GABRA3: variants seen among roughly 807,000 people sequenced by gnomAD.
GABRA3 encodes gamma-aminobutyric acid type A receptor subunit alpha3, also known as gamma-aminobutyric acid receptor subunit alpha-3.
Under a neutral mutation model 30.1 loss-of-function variants are expected in GABRA3, and 10 were observed. That is an observed-to-expected ratio of 0.33 (90% CI 0.20 to 0.56). The LOEUF (loss-of-function observed/expected upper bound fraction) is 0.56. Among genes scored for constraint, GABRA3 ranks in the 20% least tolerant of loss-of-function variants. The pLI is 0.89. For missense variants in GABRA3, 233 were observed against 392.0 expected (o/e 0.59, Z 3.42); for synonymous variants, 151 against 146.8 (o/e 1.03, Z -0.21).
intron 1 of GABRA3, among the ~76,000 whole-genome samples, chrX:152,443,870 A>G (rs772951575): frequency 1.2e-4 from 13 of 112,117 alleles, no homozygotes; most frequent in African/African-American, 4.2e-4. Context: ...ACTGAAAAGT[A>G]TGCAGCCATT....
chrX:152,223,088 G>A (rs1375240410), intron 6 of GABRA3, among the ~76,000 whole-genome samples: 1 of 111,450 alleles, frequency 9.0e-6, no homozygotes, highest in Non-Finnish European at 1.9e-5. Context: ...ACCAGTATGA[G>A]CCCTATGCCC....
chrX:152,388,570 A>G (rs1929390278), intron 1 of GABRA3, among the ~76,000 whole-genome samples: 1 of 112,285 alleles, frequency 8.9e-6, no homozygotes, highest in Non-Finnish European at 1.9e-5. Context: ...ATTTAGAATG[A>G]ATACTAAATT....
intron 5 of GABRA3, among the ~76,000 whole-genome samples, chrX:152,253,307 C>T (rs750819610): frequency 9.1e-6 from 1 of 109,938 alleles, no homozygotes; most frequent in South Asian, 3.9e-4. Flanking sequence ...TACATTGTAT[C>T]TCTCTCCTGA....
intron 2 of GABRA3, among the ~76,000 whole-genome samples, chrX:152,349,030 G>A (rs1477304460): frequency 8.9e-6 from 1 of 111,917 alleles, no homozygotes; most frequent in Admixed American, 9.5e-5. Flanking sequence ...ATGTGATGCT[G>A]TTTGGTCGCA....
chrX:152,256,507 TA>T (rs778582283), intron 4 of GABRA3, among the ~76,000 whole-genome samples: 76 of 111,618 alleles, frequency 6.8e-4, no homozygotes, highest in Non-Finnish European at 1.1e-4. Context: ...TGAAATATTA[TA>T]GATAAATAAG....
intron 7 of GABRA3, among the ~76,000 whole-genome samples, chrX:152,199,321 G>A (rs5925132): frequency 9.9e-5 from 10 of 100,958 alleles, no homozygotes; most frequent in Non-Finnish European, 1.4e-4. Context: ...AGCCAAGGTC[G>A]TGCCACTGCA....
At chrX:152,196,103 G>C (rs1186659878) in intron 8 of GABRA3, among the ~76,000 whole-genome samples, 1 of 108,557 alleles carries the variant, frequency 9.2e-6, no homozygotes, top group East Asian at 2.9e-4. Context: ...GAATGGTTTC[G>C]GCCGGGTGCT....
intron 1 of GABRA3, among the ~76,000 whole-genome samples, chrX:152,380,049 A>G (rs968058317): frequency 2.3e-4 from 26 of 111,607 alleles, no homozygotes; most frequent in Admixed American, 2.1e-3. Context: ...ATACATGTGG[A>G]ATGATTAAAT....
chrX:152,278,716 A>T, intron 4 of GABRA3, among the ~76,000 whole-genome samples: 1 of 111,622 alleles, frequency 9.0e-6, no homozygotes, highest in Non-Finnish European at 1.9e-5. Context: ...ACTAGTTTAC[A>T]CTCTCACCAA....
At chrX:152,245,969 T>G (rs1938455019) in intron 5 of GABRA3, among the ~76,000 whole-genome samples, 1 of 111,847 alleles carries the variant, frequency 8.9e-6, no homozygotes, top group Admixed American at 9.5e-5. Context: ...TAGCAGATGG[T>G]TGACAGCTGT....
chrX:152,238,006 C>T (rs1437557672), intron 5 of GABRA3, among the ~76,000 whole-genome samples: 5 of 109,321 alleles, frequency 4.6e-5, no homozygotes, highest in Non-Finnish European at 9.5e-5. Context: ...CCTGATTGCC[C>T]TGGCCAGAAC....
chrX:152,219,836 A>ATATACTATAGGCATAG (rs754185822), intron 6 of GABRA3, among the ~76,000 whole-genome samples: 13,492 of 110,765 alleles, frequency 0.12, 1,253 homozygotes, highest in East Asian at 0.32. Flanking sequence ...ATAAAGCACT[A>ATATACTATAGGCATAG]TATACTATAC....
At chrX:152,176,218 T>C (rs1208879143) in intron 9 of GABRA3, among the ~76,000 whole-genome samples, 1 of 111,150 alleles carries the variant, frequency 9.0e-6, no homozygotes, top group Non-Finnish European at 1.9e-5. Context: ...CTGTAAGGTT[T>C]TGAGCACCAT....
intron 4 of GABRA3, among the ~76,000 whole-genome samples, chrX:152,272,355 T>A (rs1938958450): frequency 8.9e-6 from 1 of 112,583 alleles, no homozygotes; most frequent in African/African-American, 3.2e-5. Flanking sequence ...CTTGAAGATT[T>A]AATGACTGCC....
intron 3 of GABRA3, among the ~76,000 whole-genome samples, chrX:152,326,360 A>G (rs946667544): frequency 1.8e-5 from 2 of 111,371 alleles, no homozygotes; most frequent in Non-Finnish European, 3.8e-5. Flanking sequence ...AGAACGTCAC[A>G]AAGATACTCC....
In GABRA3 at chrX:152,443,153, T is replaced by A. The variant is rs191974245; in HGVS notation, c.-27+7993A>T. On this transcript the variant is annotated intron_variant, in intron 1 of 9. Coordinates refer to ENST00000370314, the MANE Select transcript of GABRA3 (RefSeq NM_000808.4). ...TAAACATACATTGCCCATACAAATT[T>A]AAAAAAATGTAAGTTCTTAATGGAA... Among the ~76,000 whole-genome samples, 538 of 111,167 alleles carry A rather than the reference T, an allele frequency of 4.8e-3. 3 individuals carry two copies. The highest frequency in any genetic ancestry group is 0.017 in the African/African-American group (516 of 30,696).
intron 1 of GABRA3, among the ~76,000 whole-genome samples, chrX:152,441,742 T>C (rs1930937347): frequency 9.0e-6 from 1 of 111,266 alleles, no homozygotes; most frequent in Admixed American, 9.5e-5. Context: ...TCTAAACTAG[T>C]TGTGTATAAA....
At position 152,211,558 on chromosome X, in the gene GABRA3, A is replaced by G. The variant is rs113187982; in HGVS notation, c.635-3414T>C. Among the ~76,000 whole-genome samples the G allele has an allele frequency of 5.4e-3, 604 of 111,779 alleles. 7 individuals carry two copies. Among genetic ancestry groups the G allele is most frequent in the African/African-American group, 0.018 (566 of 30,752 alleles). ...AGATGTGAATTTAAAAATAAAAACAAAAACAAGTTGAAAACTACTCAATTG... is the reference window on the plus strand; with the variant it reads ...AGATGTGAATTTAAAAATAAAAACAGAAACAAGTTGAAAACTACTCAATTG... On this transcript the variant is annotated intron_variant, in intron 6 of 9. Coordinates refer to ENST00000370314, the MANE Select transcript of GABRA3 (RefSeq NM_000808.4).
At chrX:152,278,716 ACT>A (rs1247083328) in intron 4 of GABRA3, among the ~76,000 whole-genome samples, 2 of 111,622 alleles carry the variant, frequency 1.8e-5, no homozygotes, top group Non-Finnish European at 3.8e-5. Flanking sequence ...ACTAGTTTAC[ACT>A]CTCACCAACA....
Sources: gnomAD v4.1 joint callset for allele counts (sites outside exome capture counted in the v4.1 genomes callset) on GRCh38, gnomAD v4.1.1 for gene constraint, MANE v1.5 for transcripts, NCBI Gene and HGNC (gene_info 2026-07-23, HGNC 2026-07-21) for gene names.